The following WWOX variants were observed in gnomAD, a reference collection of about 807,000 sequenced individuals.
The protein encoded by WWOX is WW domain-containing oxidoreductase.
A neutral mutation model predicts 46.2 loss-of-function variants in WWOX; 69 were observed. The observed-to-expected ratio is 1.49, with a 90% CI of 1.23 to 1.82. The LOEUF (loss-of-function observed/expected upper bound fraction) is 1.82, where lower values mean the gene tolerates loss of function less well. Among genes scored for constraint, WWOX ranks in the 40% most tolerant of loss-of-function variants. The pLI, the probability that WWOX is intolerant of heterozygous loss-of-function variation, is 0.00. For synonymous variants in WWOX, 359 were observed against 202.6 expected (o/e 1.77, Z -6.56); for missense variants, 919 against 542.6 (o/e 1.69, Z -6.89).
chr16:78,203,983 T>C (rs2036313635), intron 5 of WWOX, among the ~76,000 whole-genome samples: 1 of 152,202 alleles, frequency 6.6e-6, no homozygotes. Flanking sequence ...AACAAGTGTG[T>C]ATCTATAGTC....
chr16:78,282,334 A>T (rs1473341951), intron 5 of WWOX, among the ~76,000 whole-genome samples: 2 of 152,124 alleles, frequency 1.3e-5, no homozygotes, highest in Non-Finnish European at 2.9e-5. Flanking sequence ...GTTTCTAGAG[A>T]CATCAGGAGG....
chr16:78,387,194 C>G (rs548580040), intron 6 of WWOX, among the ~76,000 whole-genome samples: 2 of 152,254 alleles, frequency 1.3e-5, no homozygotes, highest in South Asian at 2.1e-4. Context: ...TATTAAAGCA[C>G]TAGTAAAAGT....
At chr16:78,692,862 C>G (rs567279358) in intron 8 of WWOX, among the ~76,000 whole-genome samples, 5 of 152,232 alleles carry the variant, frequency 3.3e-5, no homozygotes, top group Admixed American at 1.3e-4. Flanking sequence ...GGTGAATAGG[C>G]CATGTTGTTT....
chr16:78,822,927 A>G (rs7192705), intron 8 of WWOX, among the ~76,000 whole-genome samples: 41,680 of 151,632 alleles, frequency 0.27, 5,874 homozygotes, highest in African/African-American at 0.34. Flanking sequence ...CCAAAAAACT[A>G]AAAGAAAAAA....
At chr16:78,593,049 G>T (rs754828363) in intron 8 of WWOX, among the ~76,000 whole-genome samples, 2 of 152,182 alleles carry the variant, frequency 1.3e-5, no homozygotes, top group Non-Finnish European at 2.9e-5. Context: ...GCACCAATGT[G>T]TCTAGGCAAA....
chr16:78,111,584 G>A (rs2032493688), intron 3 of WWOX, among the ~76,000 whole-genome samples: 1 of 152,118 alleles, frequency 6.6e-6, no homozygotes, highest in Admixed American at 6.5e-5. Context: ...TCCTTTCCTT[G>A]GAGGAGTCAG....
intron 8 of WWOX, among the ~76,000 whole-genome samples, chr16:78,915,094 T>C (rs2045216527): frequency 6.6e-6 from 1 of 152,148 alleles, no homozygotes; most frequent in Admixed American, 6.5e-5. Flanking sequence ...ACCTCTTGGC[T>C]GGTTAAATGG....
chr16:78,754,721 G>A (rs1423470060), intron 8 of WWOX, among the ~76,000 whole-genome samples: 5 of 152,042 alleles, frequency 3.3e-5, no homozygotes, highest in Non-Finnish European at 7.4e-5. Flanking sequence ...TGGTTTTCTT[G>A]AAATAAGAAA....
intron 8 of WWOX, among the ~76,000 whole-genome samples, chr16:79,185,811 A>C (rs1478754818): frequency 6.6e-6 from 1 of 152,176 alleles, no homozygotes; most frequent in East Asian, 1.9e-4. Flanking sequence ...TGCATCGGAC[A>C]CTGCCTAGTG....
chr16:79,003,797 G>T (rs2047140256), intron 8 of WWOX, among the ~76,000 whole-genome samples: 1 of 152,128 alleles, frequency 6.6e-6, no homozygotes, highest in South Asian at 2.1e-4. Flanking sequence ...AAGGCAGAGG[G>T]TGTCACTTCC....
chr16:79,211,276 C>T (rs528552898), intron 8 of WWOX, among the ~76,000 whole-genome samples: 3 of 152,228 alleles, frequency 2.0e-5, no homozygotes, highest in East Asian at 3.9e-4. Flanking sequence ...TGTTCTTGCA[C>T]GTTCAGAAGG....
At chr16:78,386,233 C>A (rs1423775858) in intron 5 of WWOX, among the ~76,000 whole-genome samples, 1 of 152,122 alleles carries the variant, frequency 6.6e-6, no homozygotes, top group Non-Finnish European at 1.5e-5. Context: ...CGTGGCAGGC[C>A]CTAAGTACAC....
chr16:78,749,976 G>A (rs956420714), intron 8 of WWOX, among the ~76,000 whole-genome samples: 4 of 152,144 alleles, frequency 2.6e-5, no homozygotes, highest in African/African-American at 9.7e-5. Context: ...TTTTGGCAGA[G>A]TGACTCTCAG....
chr16:78,376,094 C>A (rs1010658334), intron 5 of WWOX, among the ~76,000 whole-genome samples: 1 of 152,152 alleles, frequency 6.6e-6, no homozygotes. Context: ...AAGTGATCCA[C>A]CCGCTTCAGC....
chr16:79,183,270 G>A (rs1306989078), intron 8 of WWOX, among the ~76,000 whole-genome samples: 1 of 152,194 alleles, frequency 6.6e-6, no homozygotes, highest in Non-Finnish European at 1.5e-5. Context: ...ACAAGGTCAA[G>A]GCTCCCTGTG....
At chr16:78,410,844 G>C (rs556170639) in intron 6 of WWOX, among the ~76,000 whole-genome samples, 1 of 150,238 alleles carries the variant, frequency 6.7e-6, no homozygotes, top group African/African-American at 2.5e-5. Flanking sequence ...CTGGGGCCAA[G>C]GTCATCTCAA....
chr16:78,344,788 T>G lies in WWOX; in HGVS notation c.517-42072T>G, dbSNP rs1191147670. Reference sequence around the variant, plus strand: ...TGATAAAGCTGTACTTTCTCACTTGTTCCTTATTTAAAATAGAGAAAAGTG... The same window carrying G: ...TGATAAAGCTGTACTTTCTCACTTGGTCCTTATTTAAAATAGAGAAAAGTG... On this transcript the variant is annotated intron_variant, in intron 5 of 8. Coordinates refer to ENST00000566780, the MANE Select transcript of WWOX (RefSeq NM_016373.4). Among the ~76,000 whole-genome samples the G allele has an allele frequency of 1.6e-5, 2 of 121,918 alleles. 1 individual carries two copies. Among genetic ancestry groups the G allele is most frequent in the Admixed American group, 1.6e-4 (2 of 12,630 alleles). The allele number at this position is 121,918 out of a possible 152,430, so 80.0% of individuals were successfully genotyped here. A position where few individuals can be genotyped will look rare whatever the true frequency, so the allele number is the denominator to read the frequency against.
intron 8 of WWOX, among the ~76,000 whole-genome samples, chr16:78,565,621 C>G (rs1567648380): frequency 6.6e-6 from 1 of 152,282 alleles, no homozygotes; most frequent in East Asian, 1.9e-4. Context: ...TCAGAGTCCC[C>G]TTTGCCATGG....
chr16:78,606,595 A>G (rs1567431734), intron 8 of WWOX, among the ~76,000 whole-genome samples: 1 of 152,150 alleles, frequency 6.6e-6, no homozygotes. Flanking sequence ...CACATTCCGC[A>G]GGAATAAGGA....
Sources: gnomAD v4.1 joint callset for allele counts (sites outside exome capture counted in the v4.1 genomes callset) on GRCh38, gnomAD v4.1.1 for gene constraint, MANE v1.5 for transcripts, NCBI Gene and HGNC (gene_info 2026-07-23, HGNC 2026-07-21) for gene names.